The following PRKCB variants were observed in gnomAD, a reference collection of about 807,000 sequenced individuals.
PRKCB encodes protein kinase C beta type.
In PRKCB, 13 loss-of-function variants were observed where a neutral mutation model predicts 81.5. The ratio of observed to expected loss-of-function variants is 0.16; its 90% CI spans 0.10 to 0.25. The LOEUF (loss-of-function observed/expected upper bound fraction) is 0.25, where lower values mean the gene tolerates loss of function less well. Among genes scored for constraint, PRKCB ranks in the 10% least tolerant of loss-of-function variants. The pLI, the probability that PRKCB is intolerant of heterozygous loss-of-function variation, is 1.00. For synonymous variants in PRKCB, 335 were observed against 321.4 expected, an observed-to-expected ratio of 1.04 and a Z score of -0.45; for missense variants, 509 against 875.7, an observed-to-expected ratio of 0.58 and a Z score of 5.29.
chr16:24,074,813 G>T (rs182246071), intron 5 of PRKCB, among the ~76,000 whole-genome samples: 1 of 152,294 alleles, frequency 6.6e-6, no homozygotes, highest in South Asian at 2.1e-4. Flanking sequence ...CACTAGCCAC[G>T]TGGGGCTGTT....
At chr16:23,851,565 G>T (rs1962473218) in intron 2 of PRKCB, among the ~76,000 whole-genome samples, 1 of 152,074 alleles carries the variant, frequency 6.6e-6, no homozygotes, top group African/African-American at 2.4e-5. Context: ...TGGCTATTTG[G>T]GGTCTTTTGT....
chr16:24,006,538 C>T (rs913951594), intron 3 of PRKCB, among the ~76,000 whole-genome samples: 1 of 152,148 alleles, frequency 6.6e-6, no homozygotes, highest in Non-Finnish European at 1.5e-5. Flanking sequence ...TGTTTTGTTG[C>T]ATGCAACAGA....
intron 9 of PRKCB, among the ~76,000 whole-genome samples, chr16:24,148,791 T>C (rs1008995974): frequency 1.7e-4 from 26 of 152,306 alleles, no homozygotes; most frequent in African/African-American, 5.5e-4. Context: ...TTTTTGTAAA[T>C]AAAGTTTTAT....
intron 2 of PRKCB, among the ~76,000 whole-genome samples, chr16:23,979,418 C>T (rs749571709): frequency 4.6e-5 from 7 of 152,108 alleles, no homozygotes; most frequent in Non-Finnish European, 1.0e-4. Flanking sequence ...ATGTGCCATT[C>T]GGTGGATTTA....
intron 2 of PRKCB, among the ~76,000 whole-genome samples, chr16:23,944,957 A>G (rs1964185295): frequency 6.6e-6 from 1 of 152,054 alleles, no homozygotes; most frequent in Non-Finnish European, 1.5e-5. Context: ...AGAGGAGGGG[A>G]CTGAGGGGCC....
chr16:24,205,133 T>C (rs1018892124), intron 16 of PRKCB, among the ~76,000 whole-genome samples: 31 of 149,260 alleles, frequency 2.1e-4, no homozygotes, highest in Non-Finnish European at 4.4e-5. Flanking sequence ...AAAAAAATTA[T>C]TATTATAATT....
At chr16:24,032,063 C>A in intron 3 of PRKCB, 73 bp from the exon 4 acceptor site, 1 of 1,064,664 alleles carries the variant, frequency 9.4e-7, no homozygotes. Flanking sequence ...TTCTCCAGTG[C>A]CTCTCGATGT....
At chr16:23,991,579 C>T (rs570404022) in intron 3 of PRKCB, among the ~76,000 whole-genome samples, 31 of 152,304 alleles carry the variant, frequency 2.0e-4, no homozygotes, top group Middle Eastern at 3.4e-3. Flanking sequence ...TCAGCTCAAA[C>T]TGACTTATAT....
chr16:24,021,072 C>CTCCCTCCCTTCTTTCT, intron 3 of PRKCB, among the ~76,000 whole-genome samples: 7 of 94,466 alleles, frequency 7.4e-5, no homozygotes, highest in African/African-American at 3.0e-4. Flanking sequence ...CCCTCCCTCC[C>CTCCCTCCCTTCTTTCT]TTCTTTCTTT....
rs59543980 is a variant in PRKCB at position 24,215,986 on chromosome 16, TAAA to T, written c.*1183_*1185del. On this transcript the variant is annotated 3_prime_UTR_variant, in exon 17 of 17. Transcript: ENST00000643927. ...TTTTTCTTCTAGCATCGAGATACAATAAAAAAAAAAAAAAAGAAAAGAAGAAGA... is the reference window on the plus strand; with the variant it reads ...TTTTTCTTCTAGCATCGAGATACAATAAAAAAAAAAAAGAAAAGAAGAAGA... 146 of 908,534 alleles carry T rather than the reference TAAA, an allele frequency of 1.6e-4. No individual in the cohort carries two copies. The African/African-American group carries it at 2.3e-3, about 14-fold the overall frequency. 56.3% of individuals were successfully genotyped at this position (908,534 alleles called of 1,614,324 possible). A position where few individuals can be genotyped will look rare whatever the true frequency, so the allele number is the denominator to read the frequency against.
At chr16:24,043,183 C>A (rs959611364) in intron 5 of PRKCB, among the ~76,000 whole-genome samples, 2 of 152,196 alleles carry the variant, frequency 1.3e-5, no homozygotes, top group Non-Finnish European at 2.9e-5. Flanking sequence ...TTTATGTCCC[C>A]ACACACTGCA....
chr16:23,890,498 G>A lies in PRKCB; in HGVS notation c.205+53092G>A, dbSNP rs113115104. ...TCCCTGGGACCCTTAACTATTTCTG[G>A]AAGCAAAATGACCCTTGCCCCACTG... On this transcript the variant is annotated intron_variant, in intron 2 of 16. Coordinates refer to ENST00000643927, the MANE Select transcript of PRKCB (RefSeq NM_002738.7). Among the ~76,000 whole-genome samples the A allele has an allele frequency of 4.2e-3, 640 of 152,234 alleles. 2 individuals are homozygous for A. Among genetic ancestry groups the A allele is most frequent in the African/African-American group, 0.015 (611 of 41,532 alleles).
intron 3 of PRKCB, among the ~76,000 whole-genome samples, chr16:23,993,565 GAAATATATTTGTGAGGGGAGCCCC>G (rs1450324217): frequency 1.3e-5 from 2 of 152,198 alleles, no homozygotes; most frequent in East Asian, 3.8e-4. Flanking sequence ...AATACTTTGA[GAAATATATTTGTGAGGGGAGCCCC>G]AGCGTCCTTT....
At chr16:24,095,575 G>T (rs567146467) in intron 7 of PRKCB, among the ~76,000 whole-genome samples, 8 of 152,230 alleles carry the variant, frequency 5.3e-5, no homozygotes, top group Admixed American at 3.9e-4. Context: ...TGTGAGCTCT[G>T]GGATAAAGGC....
In PRKCB at chr16:23,905,169, C is replaced by T. The variant is rs1963540452; in HGVS notation, c.205+67763C>T. Among the ~76,000 whole-genome samples the T allele has an allele frequency of 3.3e-5, 5 of 151,968 alleles. No homozygotes were observed. In the South Asian group the frequency reaches 1.0e-3, roughly 32 times the overall value. On this transcript the variant is annotated intron_variant, in intron 2 of 16. Transcript: ENST00000643927. ...CCGGCCCTGGAATGTGGCCGCAGGG[C>T]TGCCAGGCTGACTCTGTGAGCTGAG...
intron 3 of PRKCB, among the ~76,000 whole-genome samples, chr16:24,025,862 G>A (rs1344054802): frequency 6.6e-6 from 1 of 152,208 alleles, no homozygotes. Flanking sequence ...GTCCAGCTGG[G>A]TGGCCTTGGT....
chr16:24,176,955 G>C (rs558353302), intron 12 of PRKCB, among the ~76,000 whole-genome samples: 1 of 151,176 alleles, frequency 6.6e-6, no homozygotes, highest in Non-Finnish European at 1.5e-5. Context: ...AATTCAAGCC[G>C]ATGACTTCAG....
intron 5 of PRKCB, among the ~76,000 whole-genome samples, chr16:24,051,465 G>T (rs1965841343): frequency 6.6e-6 from 1 of 152,172 alleles, no homozygotes; most frequent in African/African-American, 2.4e-5. Flanking sequence ...TGGTTGGTTT[G>T]CATATGAAAG....
chr16:23,916,426 T>C (rs967251009), intron 2 of PRKCB, among the ~76,000 whole-genome samples: 5 of 152,098 alleles, frequency 3.3e-5, no homozygotes, highest in Non-Finnish European at 7.4e-5. Context: ...GTCTCATTTG[T>C]AGAAAGGTTA....
Sources: gnomAD v4.1 joint callset for allele counts (sites outside exome capture counted in the v4.1 genomes callset) on GRCh38, gnomAD v4.1.1 for gene constraint, MANE v1.5 for transcripts, NCBI Gene and HGNC (gene_info 2026-07-23, HGNC 2026-07-21) for gene names.